Variants in SYNJ1 observed in about 807,000 individuals in gnomAD.
The protein encoded by SYNJ1 is polyphosphatidylinositol phosphatase SYNJ1.
A neutral mutation model predicts 168.2 loss-of-function variants in SYNJ1; 78 were observed. The observed-to-expected ratio is 0.46, with a 90% confidence interval of 0.39 to 0.56. The LOEUF is 0.56. Ranked by LOEUF, SYNJ1 falls within the 20% of genes least tolerant of loss-of-function variation. SYNJ1 has a pLI of 0.00. For synonymous variants in SYNJ1, 539 were observed against 548.6 expected, an observed-to-expected ratio of 0.98 and a Z score of 0.24; for missense variants, 1,303 against 1,597.6, an observed-to-expected ratio of 0.82 and a Z score of 3.14.
At chr21:32,710,692 T>C (rs963769741) in intron 2 of SYNJ1, among the ~76,000 whole-genome samples, 1 of 152,094 alleles carries the variant, frequency 6.6e-6, no homozygotes, top group African/African-American at 2.4e-5. Flanking sequence ...ACCTGATTGA[T>C]TTGGACTTTT....
At chr21:32,634,783 T>C in intron 32 of SYNJ1, 78 bp downstream of exon 32, 2 of 1,458,634 alleles carry the variant, frequency 1.4e-6, no homozygotes, top group Non-Finnish European at 9.5e-7. Context: ...AAACTTTAGA[T>C]GTATGAAGCA....
intron 18 of SYNJ1, among the ~76,000 whole-genome samples, chr21:32,658,076 G>A (rs1206391822): frequency 1.3e-5 from 2 of 152,216 alleles, no homozygotes. Context: ...ATAGGGACAG[G>A]AGACAGGGAA....
intron 6 of SYNJ1, among the ~76,000 whole-genome samples, chr21:32,689,910 C>T (rs2041961058): frequency 6.6e-6 from 1 of 152,044 alleles, no homozygotes; most frequent in South Asian, 2.1e-4. Context: ...GACGTATGTC[C>T]CAGGACATTA....
Position 32,643,419 on chromosome 21 carries a change from C to A in SYNJ1, c.3469G>T (p.Glu1157Ter). The A allele has an allele frequency of 6.2e-7, 1 of 1,613,658 alleles. No individual in the cohort carries two copies. The highest frequency in any genetic ancestry group is 1.1e-5 in the South Asian group (1 of 91,022). Residue 1157 changes from glutamate (E) to a stop codon, truncating the protein, a stop_gained, in exon 27 of 33, where the codon GAG becomes TAG. Transcript: ENST00000674351. LOFTEE classifies it high-confidence loss of function. ...GCAAGAGTCTTGTTACCTTCCATCT[C>A]TCTCCTAGCTACCCCAGGACTGGGA... The part of the protein sequence containing the change: ...APPSPGVARR[E>*]MEAPKSPGTT...
chr21:32,639,247 C>T (rs1242381215), intron 30 of SYNJ1, 122 bp from the exon 31 acceptor site: 2 of 896,944 alleles, frequency 2.2e-6, no homozygotes, highest in African/African-American at 3.4e-5. Context: ...AGCCTCATTT[C>T]TTGTGGTATA....
chr21:32,676,328 G>A lies in SYNJ1; in HGVS notation c.1534+4C>T. On this transcript the variant is annotated splice_donor_region_variant and intron_variant, in intron 13 of 32. Coordinates refer to ENST00000674351, the MANE Select transcript of SYNJ1 (RefSeq NM_203446.3). ...TATTTATAGATTGATTTTCTATACT[G>A]TACCTGACTGTAATGTCTGCTCAGA... The A allele has an allele frequency of 1.2e-6, 2 of 1,603,236 alleles. No individual in the cohort carries two copies. Among genetic ancestry groups the A allele is most frequent in the African/African-American group, 1.3e-5 (1 of 74,484 alleles).
intron 4 of SYNJ1, 137 bp from the exon 5 acceptor site, chr21:32,695,419 T>G (rs2042166815): frequency 2.4e-6 from 2 of 834,516 alleles, no homozygotes; most frequent in African/African-American, 1.7e-5. Context: ...CATTTACATT[T>G]ACTATGCTAG....
intron 16 of SYNJ1, 148 bp from the exon 17 acceptor site, chr21:32,666,283 G>T: frequency 7.0e-7 from 1 of 1,424,174 alleles, no homozygotes; most frequent in Non-Finnish European, 9.5e-7. Context: ...AGCTATTGGT[G>T]AGTCTTTAAT....
intron 30 of SYNJ1, 73 bp downstream of exon 30, chr21:32,639,598 A>G: frequency 1.6e-6 from 2 of 1,227,324 alleles, no homozygotes; most frequent in Non-Finnish European, 2.4e-6. Flanking sequence ...GGGTCTCACT[A>G]TGTTGCCCAA....
Position 32,639,654 on chromosome 21 carries a change from T to C in SYNJ1, c.3697+17A>G. On this transcript the variant is annotated intron_variant, in intron 30 of 32. Transcript: ENST00000674351. ...CTCAAGTGATCCTCCTGCCTCAGCCTCCCAAAGAGGACCTACCTTTCGACG... is the reference window on the plus strand; with the variant it reads ...CTCAAGTGATCCTCCTGCCTCAGCCCCCCAAAGAGGACCTACCTTTCGACG... 6.2e-7 allele frequency: 1 copy of C among 1,609,190 alleles called. No individual in the cohort carries two copies. Among genetic ancestry groups the C allele is most frequent in the Non-Finnish European group, 8.5e-7 (1 of 1,176,236 alleles).
intron 4 of SYNJ1, among the ~76,000 whole-genome samples, chr21:32,698,950 T>G (rs1307998008): frequency 2.0e-5 from 3 of 152,206 alleles, no homozygotes; most frequent in Non-Finnish European, 4.4e-5. Context: ...CATTTCTAAA[T>G]ATACACAACT....
chr21:32,638,525 T>A lies in SYNJ1; in HGVS notation c.3915+383A>T, dbSNP rs577261138. On this transcript the variant is annotated intron_variant, in intron 31 of 32. Transcript: ENST00000674351. ...CAGCCTGGCTAACATGGTGAAACCC[T>A]GTCTCTACCAAAAATATAAAAATTA... 3.4e-4 allele frequency among the ~76,000 whole-genome samples: 52 copies of A among 152,148 alleles called. No homozygotes were observed. In the East Asian group the frequency reaches 7.2e-3, roughly 21 times the overall value.
chr21:32,706,877 A>G (rs1477157277), intron 2 of SYNJ1, among the ~76,000 whole-genome samples: 3 of 152,228 alleles, frequency 2.0e-5, no homozygotes, highest in Non-Finnish European at 4.4e-5. Context: ...TAAAGAGATT[A>G]TTTAAAATAA....
chr21:32,653,756 C>A (rs1324488836), intron 21 of SYNJ1: 1 of 155,512 alleles, frequency 6.4e-6, no homozygotes, highest in African/African-American at 2.4e-5. Flanking sequence ...GACCCCACAA[C>A]CCAGTACTAT....
intron 2 of SYNJ1, among the ~76,000 whole-genome samples, chr21:32,709,468 ACT>A (rs1281416682): frequency 4.2e-5 from 5 of 119,652 alleles, no homozygotes; most frequent in Non-Finnish European, 8.3e-5. Context: ...ACACAGCAAG[ACT>A]CTGTCTCAAA....
Position 32,630,886 on chromosome 21 carries a change from A to C in SYNJ1, c.*919T>G, listed in dbSNP as rs942583729. 1 of 1,041,330 alleles carries C rather than the reference A, an allele frequency of 9.6e-7. No homozygotes were observed. The allele number at this position is 1,041,330 out of a possible 1,614,324, so 64.5% of individuals were successfully genotyped here. ...CATCAAATAGTGGTGTTTTGTGAAG[A>C]TATCAGTGCACTTACAATGACTTAT... On this transcript the variant is annotated 3_prime_UTR_variant, in exon 33 of 33. Transcript: ENST00000674351.
intron 2 of SYNJ1, 94 bp from the exon 3 acceptor site, chr21:32,702,141 A>G: frequency 4.8e-6 from 4 of 828,712 alleles, no homozygotes; most frequent in Non-Finnish European, 7.5e-6. Flanking sequence ...AAAAGTTTCT[A>G]AATCTGATAT....
In SYNJ1 at chr21:32,711,841, G is replaced by A. The variant is rs147215849; in HGVS notation, c.125-9794C>T. On this transcript the variant is annotated intron_variant, in intron 2 of 32. Transcript: ENST00000674351. ...GCTTGTTAAACATAACATAGTTGTC[G>A]CATGATAATCACACCTGCATTGCTA... 5.9e-3 allele frequency among the ~76,000 whole-genome samples: 894 copies of A among 152,220 alleles called. 8 individuals carry two copies. The highest frequency in any genetic ancestry group is 0.018 in the South Asian group (86 of 4,828).
At position 32,645,745 on chromosome 21, in the gene SYNJ1, C is replaced by CT; in HGVS notation, c.3291dup (p.Asp1098ArgfsTer36). The CT allele has an allele frequency of 6.8e-7, 1 of 1,465,410 alleles. No individual in the cohort carries two copies. The allele number at this position is 1,465,410 out of a possible 1,614,324, so 90.8% of individuals were successfully genotyped here. ...TTGGGCTCCAAGGGCTGGGCGGGGT[C>CT]TTTCTGCGGCAGCGGCGTTGCTGGC... On this transcript the variant is annotated frameshift_variant, in exon 25 of 33. Transcript: ENST00000674351. LOFTEE classifies it high-confidence loss of function.
Sources: gnomAD v4.1 joint callset for allele counts (sites outside exome capture counted in the v4.1 genomes callset) on GRCh38, gnomAD v4.1.1 for gene constraint, MANE v1.5 for transcripts, NCBI Gene and HGNC (gene_info 2026-07-23, HGNC 2026-07-21) for gene names.